Variants in DHX32 observed in about 807,000 individuals in gnomAD.
DHX32 encodes the protein putative pre-mRNA-splicing factor ATP-dependent RNA helicase DHX32.
In DHX32, 51 loss-of-function variants were observed where a neutral mutation model predicts 70.0. The ratio of observed to expected loss-of-function variants is 0.73; its 90% CI spans 0.58 to 0.92. DHX32 has a LOEUF of 0.92. Ranked by LOEUF, DHX32 falls within the 40% of genes least tolerant of loss-of-function variation. DHX32 has a pLI of 0.00. For missense variants in DHX32, 762 were observed against 891.8 expected (o/e 0.85, Z 1.85); for synonymous variants, 310 against 315.3 (o/e 0.98, Z 0.18).
At position 125,881,171 on chromosome 10, in the gene DHX32, T is replaced by C. The variant is rs777473971; in HGVS notation, c.-347A>G. The C allele has an allele frequency of 2.2e-5, 4 of 185,520 alleles. No individual in the cohort carries two copies. The highest frequency in any genetic ancestry group is 4.7e-5 in the African/African-American group (2 of 42,746). The allele number at this position is 185,520 out of a possible 1,614,324, so 11.5% of individuals were successfully genotyped here. A position where few individuals can be genotyped will look rare whatever the true frequency, so the allele number is the denominator to read the frequency against. On this transcript the variant is annotated 5_prime_UTR_variant, in exon 1 of 11. Coordinates refer to ENST00000284690, the MANE Select transcript of DHX32 (RefSeq NM_018180.3). ...TCAAATGAAAAGCATTATTTTTTTT[T>C]TTTCTGTTAACGGGTTTCTGTCATT...
At chr10:125,862,611 T>C (rs751071222) in intron 2 of DHX32, among the ~76,000 whole-genome samples, 3 of 152,162 alleles carry the variant, frequency 2.0e-5, no homozygotes, top group Non-Finnish European at 4.4e-5. Context: ...AAAGAGAAGA[T>C]GCTAACTTAT....
intron 8 of DHX32, among the ~76,000 whole-genome samples, chr10:125,839,932 G>A (rs1854824174): frequency 1.3e-5 from 2 of 152,138 alleles, no homozygotes; most frequent in African/African-American, 4.8e-5. Context: ...GCCCTCAAAA[G>A]GTGCCACCAG....
In DHX32 at chr10:125,874,025, A is replaced by G. The variant is rs140609784; in HGVS notation, c.282+6518T>C. Among the ~76,000 whole-genome samples the G allele has an allele frequency of 3.0e-4, 46 of 152,296 alleles. No individual in the cohort carries two copies. In the East Asian group the frequency reaches 6.6e-3, roughly 22 times the overall value. On this transcript the variant is annotated intron_variant, in intron 1 of 10. Transcript: ENST00000284690. ...AGAAGGAGAAATAAGCAAAATATAC[A>G]CTTCTAGAGATGTTTTTCTCTCTCT...
chr10:125,874,206 T>C (rs1273760814), intron 1 of DHX32, among the ~76,000 whole-genome samples: 1 of 152,170 alleles, frequency 6.6e-6, no homozygotes, highest in Non-Finnish European at 1.5e-5. Flanking sequence ...TCTTGAAAGG[T>C]TTAAAACTCT....
At chr10:125,880,257 T>C (rs1425254592) in intron 1 of DHX32, among the ~76,000 whole-genome samples, 2 of 152,176 alleles carry the variant, frequency 1.3e-5, no homozygotes, top group African/African-American at 4.8e-5. Flanking sequence ...CAATGGATCA[T>C]TTGAGTAAAT....
At position 125,856,102 on chromosome 10, in the gene DHX32, T is replaced by C. The variant is rs1015866404; in HGVS notation, c.850-1899A>G. Among the ~76,000 whole-genome samples the C allele has an allele frequency of 2.0e-5, 3 of 152,224 alleles. No individual in the cohort carries two copies. In the East Asian group the frequency reaches 5.8e-4, roughly 29 times the overall value. On this transcript the variant is annotated intron_variant, in intron 3 of 10. Transcript: ENST00000284690. ...TTTGGGGCAGAAAAGCTTTAAAAAATGTGCATCTGGTACTTCAGACATTTT... is the reference window on the plus strand; with the variant it reads ...TTTGGGGCAGAAAAGCTTTAAAAAACGTGCATCTGGTACTTCAGACATTTT...
chr10:125,836,437 A>C lies in DHX32; in HGVS notation c.*250T>G. ...CACATTTACAAAATACCAGTTTTTT[A>C]AAATTTTGGTCAAATTATGAGTGGT... is the stretch of plus-strand genomic sequence containing the variant. On this transcript the variant is annotated 3_prime_UTR_variant, in exon 11 of 11. Transcript: ENST00000284690. 1 of 1,436,998 alleles carries C rather than the reference A, an allele frequency of 7.0e-7. No homozygotes were observed. The highest frequency in any genetic ancestry group is 9.1e-7 in the Non-Finnish European group (1 of 1,102,032). 89.0% of individuals were successfully genotyped at this position (1,436,998 alleles called of 1,614,324 possible).
In DHX32 at chr10:125,880,634, A is replaced by G; in HGVS notation, c.191T>C (p.Ile64Thr). The G allele has an allele frequency of 6.2e-7, 1 of 1,614,142 alleles. No individual in the cohort carries two copies. The highest frequency in any genetic ancestry group is 8.5e-7 in the Non-Finnish European group (1 of 1,180,016). Residue 64 changes from isoleucine (I) to threonine (T), a missense_variant, in exon 1 of 11, where the codon ATA becomes ACA. This residue lies in a region of DHX32 where 394 missense variants were observed against 473.1 expected (regional missense o/e 0.83). Coordinates refer to ENST00000284690, the MANE Select transcript of DHX32 (RefSeq NM_018180.3). ...CATAAAGGAGTATTTTTCTTTCCAT[A>G]TAGGAAGATCTTCTCTTTCTTTCAG... ...KLLKEREDLP[I>T]WKEKYSFMEN...
chr10:125,861,547 C>T lies in DHX32; in HGVS notation c.477-1572G>A, dbSNP rs533595869. On this transcript the variant is annotated intron_variant, in intron 2 of 10. Transcript: ENST00000284690. ...CCATTTGTACAGGCAATATGTTTTA[C>T]GCTGCACATGTGCTTTCCTTCTGGG... Among the ~76,000 whole-genome samples the T allele has an allele frequency of 7.9e-5, 12 of 152,278 alleles. No individual in the cohort carries two copies. In the South Asian group the frequency reaches 2.1e-3, roughly 26 times the overall value.
chr10:125,883,301 T>C (rs1332361031), upstream of DHX32, among the ~76,000 whole-genome samples: 1 of 152,212 alleles, frequency 6.6e-6, no homozygotes, highest in Non-Finnish European at 1.5e-5. Context: ...CTGTTCCAAA[T>C]GGAGAGGTAG....
intron 6 of DHX32, among the ~76,000 whole-genome samples, chr10:125,843,324 A>G (rs1016132846): frequency 6.6e-6 from 1 of 152,128 alleles, no homozygotes; most frequent in African/African-American, 2.4e-5. Flanking sequence ...ATTAAGCTCT[A>G]TGTCTAAATT....
At chr10:125,838,011 A>G (rs137962051) in intron 10 of DHX32, among the ~76,000 whole-genome samples, 195 bp downstream of exon 10, 35 of 152,262 alleles carry the variant, frequency 2.3e-4, no homozygotes, top group East Asian at 9.7e-4. Flanking sequence ...TGTCTTTTCT[A>G]TGCTGTAATC....
At chr10:125,857,900 ATT>A (rs570512404) in intron 3 of DHX32, among the ~76,000 whole-genome samples, 9 of 116,358 alleles carry the variant, frequency 7.7e-5, no homozygotes, top group Admixed American at 2.6e-4. Context: ...TTAATTTTTC[ATT>A]TTTTTTTTTT....
intron 4 of DHX32, chr10:125,853,361 T>A (rs553810162): frequency 3.1e-4 from 165 of 536,608 alleles, no homozygotes; most frequent in Middle Eastern, 9.5e-4. Flanking sequence ...AATGTTAGGA[T>A]TTTCTGAAGT....
intron 9 of DHX32, 50 bp downstream of exon 9, chr10:125,838,951 T>C (rs1375080137): frequency 6.5e-7 from 1 of 1,533,340 alleles, no homozygotes; most frequent in Admixed American, 1.8e-5. Flanking sequence ...ATATCCTGAG[T>C]ATGTGCAATT....
intron 3 of DHX32, 90 bp from the exon 4 acceptor site, chr10:125,854,293 T>A: frequency 7.4e-7 from 1 of 1,347,196 alleles, no homozygotes; most frequent in South Asian, 1.6e-5. Context: ...TTTTAGGCAA[T>A]ACTACGTAAC....
intron 1 of DHX32, among the ~76,000 whole-genome samples, chr10:125,887,314 G>C (rs1282393947): frequency 2.0e-5 from 3 of 152,122 alleles, no homozygotes; most frequent in Non-Finnish European, 4.4e-5. Context: ...GGCTGAGGGT[G>C]GGGTGTGGAA....
upstream of DHX32, among the ~76,000 whole-genome samples, chr10:125,884,105 C>T (rs1944331547): frequency 6.6e-6 from 1 of 152,182 alleles, no homozygotes; most frequent in Non-Finnish European, 1.5e-5. Flanking sequence ...TCTATTTCGA[C>T]TACTCAGAAG....
intron 1 of DHX32, among the ~76,000 whole-genome samples, chr10:125,871,665 G>A (rs927846297): frequency 3.3e-5 from 5 of 152,168 alleles, no homozygotes; most frequent in Non-Finnish European, 5.9e-5. Flanking sequence ...AACATACTGA[G>A]GGTTGATTCC....
Sources: gnomAD v4.1 joint callset for allele counts (sites outside exome capture counted in the v4.1 genomes callset) on GRCh38, gnomAD v4.1.1 for gene constraint, gnomAD v4.1.1 regional missense constraint, MANE v1.5 for transcripts, NCBI Gene and HGNC (gene_info 2026-07-23, HGNC 2026-07-21) for gene names.